Variants in EXOC6B observed in about 807,000 individuals in gnomAD.
EXOC6B encodes the protein exocyst complex component 6B.
EXOC6B carries 54 observed loss-of-function variants against 113.5 expected under a neutral mutation model. The ratio of observed to expected loss-of-function variants is 0.48; its 90% CI spans 0.38 to 0.60. The LOEUF (loss-of-function observed/expected upper bound fraction) is 0.60, where lower values mean the gene tolerates loss of function less well. Among genes scored for constraint, EXOC6B ranks in the 20% least tolerant of loss-of-function variants. The pLI, the probability that EXOC6B is intolerant of heterozygous loss-of-function variation, is 0.00. For synonymous variants in EXOC6B, 357 were observed against 339.0 expected, an observed-to-expected ratio of 1.05 and a Z score of -0.58; for missense variants, 797 against 977.5, an observed-to-expected ratio of 0.82 and a Z score of 2.46.
chr2:72,740,873 C>CG (rs1176809159), intron 2 of EXOC6B, among the ~76,000 whole-genome samples: 5 of 152,076 alleles, frequency 3.3e-5, no homozygotes, highest in Non-Finnish European at 7.4e-5. Flanking sequence ...GAGGCCGAGG[C>CG]GGGCAGATCA....
intron 20 of EXOC6B, among the ~76,000 whole-genome samples, chr2:72,303,569 T>C (rs1240605881): frequency 6.6e-6 from 1 of 152,220 alleles, no homozygotes; most frequent in Non-Finnish European, 1.5e-5. Flanking sequence ...GGCTATTTTG[T>C]CTTTCTGCTT....
At chr2:72,610,919 C>T (rs1671035956) in intron 6 of EXOC6B, among the ~76,000 whole-genome samples, 1 of 152,162 alleles carries the variant, frequency 6.6e-6, no homozygotes, top group Admixed American at 6.5e-5. Context: ...TGAGTGATGT[C>T]ATGTAGATAT....
intron 19 of EXOC6B, among the ~76,000 whole-genome samples, chr2:72,360,342 C>A (rs1200659330): frequency 6.6e-6 from 1 of 152,152 alleles, no homozygotes; most frequent in Non-Finnish European, 1.5e-5. Flanking sequence ...CCCACCTCAG[C>A]CTCCCAAAGT....
At chr2:72,684,368 A>G (rs1400529551) in intron 6 of EXOC6B, among the ~76,000 whole-genome samples, 2 of 152,236 alleles carry the variant, frequency 1.3e-5, no homozygotes, top group African/African-American at 4.8e-5. Flanking sequence ...TAATGCTGGC[A>G]AGGAAGTACA....
intron 7 of EXOC6B, among the ~76,000 whole-genome samples, chr2:72,569,426 T>C (rs1008012001): frequency 6.6e-6 from 1 of 152,134 alleles, no homozygotes; most frequent in Admixed American, 6.5e-5. Context: ...TATTATATTT[T>C]TGTCATCACA....
At chr2:72,252,472 C>CA (rs1287619372) in intron 20 of EXOC6B, among the ~76,000 whole-genome samples, 9 of 151,752 alleles carry the variant, frequency 5.9e-5, no homozygotes, top group Admixed American at 1.3e-4. Context: ...GACTCTGTCA[C>CA]AAAAAACAAA....
chr2:72,574,617 G>A (rs1196122095), intron 7 of EXOC6B, among the ~76,000 whole-genome samples: 2 of 152,144 alleles, frequency 1.3e-5, no homozygotes, highest in Admixed American at 6.5e-5. Flanking sequence ...AGGCTACTGA[G>A]TACAAGAGTA....
chr2:72,602,969 T>C (rs997089044), intron 6 of EXOC6B, among the ~76,000 whole-genome samples: 33 of 151,178 alleles, frequency 2.2e-4, no homozygotes, highest in African/African-American at 7.8e-4. Context: ...AGCCCCTCTC[T>C]CCCCCATAAA....
At position 72,784,726 on chromosome 2, in the gene EXOC6B, G is replaced by A. The variant is rs367905912; in HGVS notation, c.113+41072C>T. Among the ~76,000 whole-genome samples, 283 of 152,272 alleles carry A rather than the reference G, an allele frequency of 1.9e-3. 2 individuals are homozygous for A. Among genetic ancestry groups the A allele is most frequent in the African/African-American group, 6.4e-3 (265 of 41,540 alleles). On this transcript the variant is annotated intron_variant, in intron 1 of 21. Coordinates refer to ENST00000272427, the MANE Select transcript of EXOC6B (RefSeq NM_015189.3). ...TCCTCCTGGGTTCCTCCCACAACACGTGGGAATTCTGGGAGATACAACTGA... is the reference window on the plus strand; with the variant it reads ...TCCTCCTGGGTTCCTCCCACAACACATGGGAATTCTGGGAGATACAACTGA...
chr2:72,577,794 C>T (rs927487590), intron 6 of EXOC6B, among the ~76,000 whole-genome samples: 4 of 151,884 alleles, frequency 2.6e-5, no homozygotes, highest in Admixed American at 1.3e-4. Flanking sequence ...TGATTCTATC[C>T]CTTCAGAGAC....
chr2:72,493,637 ATTT>A, intron 15 of EXOC6B, among the ~76,000 whole-genome samples: 1 of 152,104 alleles, frequency 6.6e-6, no homozygotes, highest in Non-Finnish European at 1.5e-5. Context: ...TATATATTCT[ATTT>A]TTTTAAGATG....
chr2:72,266,608 A>G (rs1684103661), intron 20 of EXOC6B, among the ~76,000 whole-genome samples: 1 of 151,736 alleles, frequency 6.6e-6, no homozygotes, highest in Admixed American at 6.6e-5. Flanking sequence ...TGTTCCATTG[A>G]TCTATATCTC....
intron 17 of EXOC6B, among the ~76,000 whole-genome samples, chr2:72,465,990 T>C (rs1441981561): frequency 6.6e-6 from 1 of 152,086 alleles, no homozygotes. Flanking sequence ...TACTACAAAA[T>C]CATTCTAATT....
chr2:72,453,384 A>G (rs1017660899), intron 18 of EXOC6B, among the ~76,000 whole-genome samples: 1 of 152,178 alleles, frequency 6.6e-6, no homozygotes, highest in Non-Finnish European at 1.5e-5. Flanking sequence ...AATAAAGGAA[A>G]TGTTTAAAGA....
chr2:72,573,383 C>A (rs976870180), intron 7 of EXOC6B, among the ~76,000 whole-genome samples: 4 of 152,224 alleles, frequency 2.6e-5, no homozygotes, highest in Non-Finnish European at 4.4e-5. Context: ...CGTTATTGTG[C>A]AACTACTGTG....
intron 6 of EXOC6B, among the ~76,000 whole-genome samples, chr2:72,624,381 G>A (rs1043451136): frequency 6.6e-6 from 1 of 152,094 alleles, no homozygotes; most frequent in Non-Finnish European, 1.5e-5. Flanking sequence ...TTATAAGCGT[G>A]AGCCACTGCA....
chr2:72,693,946 T>C (rs144039103), intron 6 of EXOC6B, among the ~76,000 whole-genome samples: 1 of 152,278 alleles, frequency 6.6e-6, no homozygotes, highest in Non-Finnish European at 1.5e-5. Context: ...GAACTGATGG[T>C]TTCTCTATCC....
chr2:72,717,465 G>A (rs944895711), intron 6 of EXOC6B, among the ~76,000 whole-genome samples: 3 of 152,060 alleles, frequency 2.0e-5, no homozygotes, highest in Non-Finnish European at 4.4e-5. Context: ...AATTTCAAGT[G>A]AGCAAATGCC....
chr2:72,693,114 A>C (rs1677617630), intron 6 of EXOC6B, among the ~76,000 whole-genome samples: 1 of 152,198 alleles, frequency 6.6e-6, no homozygotes, highest in Admixed American at 6.5e-5. Context: ...CAGCTCTAGC[A>C]TTTTCTCTTT....
Sources: allele counts gnomAD v4.1 joint callset (sites outside exome capture counted in the v4.1 genomes callset), GRCh38; gene constraint gnomAD v4.1.1; transcripts MANE v1.5; gene names NCBI Gene and HGNC (gene_info 2026-07-23, HGNC 2026-07-21).